The following HOMER1 variants were observed in gnomAD, a reference collection of about 807,000 sequenced individuals.
HOMER1 encodes the protein homer protein homolog 1.
A neutral mutation model predicts 48.9 loss-of-function variants in HOMER1; 3 were observed. That is an observed-to-expected ratio of 0.06 (90% CI 0.03 to 0.16). The LOEUF is 0.16. HOMER1 is among the 10% of genes least tolerant of loss of function. HOMER1 has a pLI of 1.00. For synonymous variants in HOMER1, 134 were observed against 146.4 expected, an observed-to-expected ratio of 0.92 and a Z score of 0.61; for missense variants, 247 against 411.4, an observed-to-expected ratio of 0.60 and a Z score of 3.46.
chr5:79,457,174 C>A (rs905790134), intron 1 of HOMER1, among the ~76,000 whole-genome samples, 156 bp from the exon 2 acceptor site: 1 of 152,164 alleles, frequency 6.6e-6, no homozygotes, highest in Non-Finnish European at 1.5e-5. Context: ...TCTAAGTATT[C>A]AGTCATAAGG....
At chr5:79,404,120 C>T (rs979983113) in intron 5 of HOMER1, among the ~76,000 whole-genome samples, 8 of 152,126 alleles carry the variant, frequency 5.3e-5, no homozygotes, top group African/African-American at 1.7e-4. Context: ...TTCAATCTGA[C>T]GATTGACATC....
At chr5:79,387,798 G>A (rs764228703) in intron 8 of HOMER1, among the ~76,000 whole-genome samples, 2 of 152,134 alleles carry the variant, frequency 1.3e-5, no homozygotes, top group Non-Finnish European at 2.9e-5. Flanking sequence ...TAGTGACTGT[G>A]TACACTGCAA....
chr5:79,415,043 T>A (rs897897033), intron 5 of HOMER1, among the ~76,000 whole-genome samples: 1 of 152,058 alleles, frequency 6.6e-6, no homozygotes, highest in Non-Finnish European at 1.5e-5. Flanking sequence ...GAAATAAAAG[T>A]AGAATAGTTT....
At chr5:79,386,432 G>A (rs1013348120) in intron 8 of HOMER1, among the ~76,000 whole-genome samples, 1 of 152,190 alleles carries the variant, frequency 6.6e-6, no homozygotes, top group African/African-American at 2.4e-5. Context: ...TGGACATAGA[G>A]TGTAGAATGA....
chr5:79,498,470 A>G (rs1017420990), intron 1 of HOMER1, among the ~76,000 whole-genome samples: 25 of 152,174 alleles, frequency 1.6e-4, no homozygotes, highest in Non-Finnish European at 3.1e-4. Flanking sequence ...GCTAGTAGGA[A>G]CTCAAAAAAT....
At chr5:79,507,212 CA>C (rs34697575) in intron 1 of HOMER1, among the ~76,000 whole-genome samples, 12,097 of 52,120 alleles carry the variant, frequency 0.23, 214 homozygotes, top group East Asian at 0.35. Context: ...GGCTCTATCT[CA>C]AAAAAAAAAA....
chr5:79,394,074 T>G (rs894460112), intron 8 of HOMER1, among the ~76,000 whole-genome samples: 6 of 152,142 alleles, frequency 3.9e-5, no homozygotes, highest in Admixed American at 6.6e-5. Flanking sequence ...AATGGGCATG[T>G]TTTTCATAGA....
At chr5:79,447,697 G>A (rs1750921786) in intron 3 of HOMER1, among the ~76,000 whole-genome samples, 1 of 152,120 alleles carries the variant, frequency 6.6e-6, no homozygotes, top group Admixed American at 6.5e-5. Context: ...CTCATGTACA[G>A]CAGCAGAAAG....
At chr5:79,390,057 G>A (rs1227334037) in intron 8 of HOMER1, among the ~76,000 whole-genome samples, 2 of 152,140 alleles carry the variant, frequency 1.3e-5, no homozygotes, top group African/African-American at 4.8e-5. Context: ...AGGCCAAGGT[G>A]GGAGGATTGC....
chr5:79,401,763 A>G (rs924618109), intron 6 of HOMER1, 136 bp downstream of exon 6: 8 of 788,166 alleles, frequency 1.0e-5, no homozygotes, highest in South Asian at 1.9e-5. Flanking sequence ...AAACAAATGC[A>G]TATCATACAA....
At chr5:79,384,158 G>C (rs1334984127) in intron 8 of HOMER1, among the ~76,000 whole-genome samples, 1 of 141,718 alleles carries the variant, frequency 7.1e-6, no homozygotes, top group East Asian at 2.0e-4. Context: ...AAATAATAAA[G>C]ATCAGAGGAG....
chr5:79,480,128 TAAAA>T (rs746397864), intron 1 of HOMER1, among the ~76,000 whole-genome samples: 5 of 145,102 alleles, frequency 3.4e-5, no homozygotes, highest in African/African-American at 1.3e-4. Flanking sequence ...GTAAAAAGAA[TAAAA>T]AAAAAGAAAT....
chr5:79,437,777 C>G (rs1222149922), intron 5 of HOMER1, among the ~76,000 whole-genome samples: 1 of 152,190 alleles, frequency 6.6e-6, no homozygotes, highest in East Asian at 1.9e-4. Context: ...CTCAGCCTCC[C>G]AAGTAGCTAA....
chr5:79,429,989 C>T (rs6453449), intron 5 of HOMER1, among the ~76,000 whole-genome samples: 38,256 of 150,136 alleles, frequency 0.25, 5,962 homozygotes, highest in East Asian at 0.75. Flanking sequence ...AGCCACTGCA[C>T]TCCAGCCTGG....
At position 79,512,994 on chromosome 5, in the gene HOMER1, C is replaced by T; in HGVS notation, c.-220G>A. The stretch of plus-strand genomic sequence containing the variant: ...AACGTTCAAACAGAGGCGGCATTTG[C>T]TTATTCGAGTTAAAATGCTTTGCGG... On this transcript the variant is annotated 5_prime_UTR_variant, in exon 1 of 9. Transcript: ENST00000334082. 1.5e-5 allele frequency: 9 copies of T among 583,994 alleles called. No individual in the cohort carries two copies. Among genetic ancestry groups the T allele is most frequent in the Non-Finnish European group, 2.4e-5 (8 of 327,990 alleles). The allele number at this position is 583,994 out of a possible 1,614,324, so 36.2% of individuals were successfully genotyped here.
intron 8 of HOMER1, among the ~76,000 whole-genome samples, chr5:79,393,027 A>C (rs1367075789): frequency 1.3e-5 from 2 of 151,752 alleles, no homozygotes; most frequent in African/African-American, 2.4e-5. Context: ...AATATAGCCA[A>C]AATGACATTT....
rs201117872 is a variant in HOMER1 at position 79,503,082 on chromosome 5, C to T, written c.5+9688G>A. 3.9e-5 allele frequency among the ~76,000 whole-genome samples: 6 copies of T among 152,140 alleles called. No homozygotes were observed. The East Asian group carries it at 1.2e-3, about 29-fold the overall frequency. On this transcript the variant is annotated intron_variant, in intron 1 of 8. Coordinates refer to ENST00000334082, the MANE Select transcript of HOMER1 (RefSeq NM_004272.5). Reference sequence around the variant, plus strand: ...GATTACAGGCGTGAGCCACTGCGCCCAGCCTGCATGTAACTTTTAACTCCT... The same window carrying T: ...GATTACAGGCGTGAGCCACTGCGCCTAGCCTGCATGTAACTTTTAACTCCT...
At chr5:79,509,516 A>G (rs1432985874) in intron 1 of HOMER1, among the ~76,000 whole-genome samples, 1 of 152,178 alleles carries the variant, frequency 6.6e-6, no homozygotes, top group Non-Finnish European at 1.5e-5. Flanking sequence ...GTCATACCTA[A>G]CAGGGGCTCC....
chr5:79,414,277 T>A (rs556040488), intron 5 of HOMER1, among the ~76,000 whole-genome samples: 68 of 149,988 alleles, frequency 4.5e-4, no homozygotes, highest in Non-Finnish European at 8.4e-4. Context: ...TTTTTTTTTG[T>A]ACAGATGCAG....
Sources: allele counts gnomAD v4.1 joint callset (sites outside exome capture counted in the v4.1 genomes callset), GRCh38; gene constraint gnomAD v4.1.1; transcripts MANE v1.5; gene names NCBI Gene and HGNC (gene_info 2026-07-23, HGNC 2026-07-21).